The following TRIP4 variants were observed in gnomAD, a reference collection of about 807,000 sequenced individuals.
The protein encoded by TRIP4 is thyroid hormone receptor interactor 4, also known as activating signal cointegrator 1.
TRIP4 carries 54 observed loss-of-function variants against 81.8 expected under a neutral mutation model. The observed-to-expected ratio is 0.66, with a 90% CI of 0.53 to 0.83. TRIP4 has a LOEUF of 0.83. TRIP4 is among the 40% of genes least tolerant of loss of function. TRIP4 has a pLI of 0.00. For synonymous variants in TRIP4, 270 were observed against 242.8 expected, an observed-to-expected ratio of 1.11 and a Z score of -1.04; for missense variants, 662 against 683.6, an observed-to-expected ratio of 0.97 and a Z score of 0.35.
intron 7 of TRIP4, among the ~76,000 whole-genome samples, chr15:64,412,386 A>G (rs2140293870): frequency 1.3e-5 from 2 of 152,124 alleles, no homozygotes; most frequent in South Asian, 4.1e-4. Context: ...CATTCTTTGC[A>G]TTTCACATAC....
chr15:64,398,104 T>C (rs190557981), intron 4 of TRIP4, among the ~76,000 whole-genome samples: 12 of 152,144 alleles, frequency 7.9e-5, no homozygotes, highest in Non-Finnish European at 1.6e-4. Context: ...GATTTTACAG[T>C]GTTAGCCAGG....
At chr15:64,436,523 G>A (rs564200479) in intron 11 of TRIP4, among the ~76,000 whole-genome samples, 10 of 151,868 alleles carry the variant, frequency 6.6e-5, no homozygotes, top group South Asian at 2.1e-4. Flanking sequence ...CCAAGGAGGC[G>A]GAGGTTGCAG....
Position 64,397,829 on chromosome 15 carries a change from T to G in TRIP4, c.618+11T>G, listed in dbSNP as rs758975116. On this transcript the variant is annotated intron_variant, in intron 4 of 12. Coordinates refer to ENST00000261884, the MANE Select transcript of TRIP4 (RefSeq NM_016213.5). Reference sequence around the variant, plus strand: ...TTCTGTGGCACTCTGGTAAATTATTTCTTTTCTATTTTATTTTACTGTGCT... The same window carrying G: ...TTCTGTGGCACTCTGGTAAATTATTGCTTTTCTATTTTATTTTACTGTGCT... 1 of 1,613,052 alleles carries G rather than the reference T, an allele frequency of 6.2e-7. No individual in the cohort carries two copies. Among genetic ancestry groups the G allele is most frequent in the Non-Finnish European group, 8.5e-7 (1 of 1,179,322 alleles).
chr15:64,412,743 T>G (rs1891796823), intron 7 of TRIP4, among the ~76,000 whole-genome samples: 1 of 152,166 alleles, frequency 6.6e-6, no homozygotes, highest in African/African-American at 2.4e-5. Flanking sequence ...TCCACAAACG[T>G]TTTGTCAAGC....
chr15:64,390,075 ATAT>A (rs1034303364), intron 1 of TRIP4, among the ~76,000 whole-genome samples: 7 of 146,720 alleles, frequency 4.8e-5, no homozygotes, highest in Middle Eastern at 3.7e-3. Flanking sequence ...AATATATCAA[ATAT>A]TATATTAAAT....
chr15:64,434,100 T>TA (rs947798355), intron 11 of TRIP4, among the ~76,000 whole-genome samples: 3 of 151,224 alleles, frequency 2.0e-5, no homozygotes, highest in African/African-American at 7.3e-5. Flanking sequence ...ACTGCCCAAT[T>TA]AAAAAAAAAT....
intron 1 of TRIP4, among the ~76,000 whole-genome samples, chr15:64,392,154 C>T (rs1281030221): frequency 6.6e-6 from 1 of 151,018 alleles, no homozygotes. Context: ...AAAAATTAGC[C>T]GGGTGTGGTT....
At chr15:64,391,312 A>G (rs1239109253) in intron 1 of TRIP4, among the ~76,000 whole-genome samples, 1 of 151,842 alleles carries the variant, frequency 6.6e-6, no homozygotes, top group African/African-American at 2.4e-5. Flanking sequence ...GCGTGACACC[A>G]TGCCCAGCTA....
At chr15:64,419,188 CTA>C (rs1221637855) in intron 9 of TRIP4, among the ~76,000 whole-genome samples, 2 of 152,094 alleles carry the variant, frequency 1.3e-5, no homozygotes, top group Non-Finnish European at 2.9e-5. Flanking sequence ...ATATATCTAA[CTA>C]TTAATCTGGC....
intron 11 of TRIP4, among the ~76,000 whole-genome samples, chr15:64,443,660 C>G (rs1892564957): frequency 1.3e-5 from 2 of 152,064 alleles, no homozygotes; most frequent in South Asian, 4.1e-4. Flanking sequence ...GTATCTGTAG[C>G]CTTACTTTTC....
intron 11 of TRIP4, among the ~76,000 whole-genome samples, chr15:64,429,744 G>T (rs537350546): frequency 2.0e-5 from 3 of 152,328 alleles, no homozygotes; most frequent in African/African-American, 4.8e-5. Flanking sequence ...CTCACTGAGA[G>T]AGAACCATCT....
intron 8 of TRIP4, among the ~76,000 whole-genome samples, chr15:64,418,268 C>T (rs1415819618): frequency 2.6e-5 from 4 of 152,102 alleles, no homozygotes; most frequent in African/African-American, 4.8e-5. Context: ...CCTGCCACCA[C>T]GCCCAGCTAA....
At chr15:64,434,877 C>T (rs896380560) in intron 11 of TRIP4, among the ~76,000 whole-genome samples, 1 of 152,070 alleles carries the variant, frequency 6.6e-6, no homozygotes, top group African/African-American at 2.4e-5. Flanking sequence ...CTTGGTTTGT[C>T]ATCTAGTCTA....
intron 1 of TRIP4, among the ~76,000 whole-genome samples, chr15:64,392,532 C>T (rs1351226464): frequency 1.3e-5 from 2 of 151,906 alleles, no homozygotes; most frequent in Non-Finnish European, 2.9e-5. Flanking sequence ...ACGGTTTCAC[C>T]ATGTTGGCCA....
chr15:64,392,662 G>T (rs1900169581), intron 1 of TRIP4, among the ~76,000 whole-genome samples: 1 of 152,048 alleles, frequency 6.6e-6, no homozygotes, highest in South Asian at 2.1e-4. Context: ...TGTTGCTCAG[G>T]CTGGAATGTA....
intron 11 of TRIP4, 37 bp from the exon 12 acceptor site, chr15:64,444,969 C>A: frequency 8.7e-7 from 1 of 1,152,786 alleles, no homozygotes; most frequent in Non-Finnish European, 1.3e-6. Context: ...AAAGCTTGTC[C>A]CAACTATCCT....
intron 1 of TRIP4, among the ~76,000 whole-genome samples, chr15:64,389,708 CTTTTTTTT>C (rs368526429): frequency 7.9e-6 from 1 of 127,288 alleles, no homozygotes; most frequent in African/African-American, 2.9e-5. Flanking sequence ...AAAATTTTCA[CTTTTTTTT>C]TTTTTTTTTT....
intron 7 of TRIP4, among the ~76,000 whole-genome samples, chr15:64,413,695 C>G (rs1305319464): frequency 2.6e-5 from 4 of 152,096 alleles, no homozygotes; most frequent in African/African-American, 4.8e-5. Flanking sequence ...TCAAGTGATT[C>G]TCCTGCCTCA....
At position 64,397,760 on chromosome 15, in the gene TRIP4, G is replaced by C. The variant is rs1388841270; in HGVS notation, c.560G>C (p.Cys187Ser). 6.2e-7 allele frequency: 1 copy of C among 1,614,254 alleles called. No homozygotes were observed. The highest frequency in any genetic ancestry group is 1.7e-5 in the Admixed American group (1 of 60,022). ...AAGCTCATCAATAACTGTCTGATCTGTGGGCGCATTGTCTGTGAACAAGAA... is the reference window on the plus strand; with the variant it reads ...AAGCTCATCAATAACTGTCTGATCTCTGGGCGCATTGTCTGTGAACAAGAA... The part of the protein sequence containing the change: ...KHKLINNCLI[C>S]GRIVCEQEGS... Residue 187 changes from cysteine to serine, a missense_variant, in exon 4 of 13, where the codon TGT becomes TCT. Coordinates refer to ENST00000261884, the MANE Select transcript of TRIP4 (RefSeq NM_016213.5).
Sources: allele counts gnomAD v4.1 joint callset (sites outside exome capture counted in the v4.1 genomes callset), GRCh38; gene constraint gnomAD v4.1.1; transcripts MANE v1.5; gene names NCBI Gene and HGNC (gene_info 2026-07-23, HGNC 2026-07-21).